Variants in MAD1L1 observed in about 807,000 individuals in gnomAD.
MAD1L1 encodes the protein mitotic spindle assembly checkpoint protein MAD1.
In MAD1L1, 95 loss-of-function variants were observed where a neutral mutation model predicts 96.9. That is an observed-to-expected ratio of 0.98 (90% confidence interval 0.83 to 1.16). MAD1L1 has a LOEUF of 1.16. MAD1L1 is among the 50% of genes most tolerant of loss of function. MAD1L1 has a pLI of 0.00. For missense variants in MAD1L1, 1,007 were observed against 954.4 expected (o/e 1.06, Z -0.73); for synonymous variants, 473 against 396.6 (o/e 1.19, Z -2.29).
chr7:2,194,721 A>C (rs1791898375), intron 10 of MAD1L1, among the ~76,000 whole-genome samples: 1 of 152,178 alleles, frequency 6.6e-6, no homozygotes, highest in Non-Finnish European at 1.5e-5. Flanking sequence ...AGTTACAGAA[A>C]CTCAAAGAAA....
chr7:2,005,249 C>T lies in MAD1L1; in HGVS notation c.1360-3128G>A, dbSNP rs375544115. On this transcript the variant is annotated intron_variant, in intron 13 of 18. Transcript: ENST00000265854. ...GACGGCTTACAGACAGTGAGAGCCA[C>T]CTTTCACTGAAGACTGAACACACAG... Among the ~76,000 whole-genome samples the T allele has an allele frequency of 1.7e-3, 266 of 152,282 alleles. 8 individuals carry two copies. In the South Asian group the frequency reaches 0.053, roughly 30 times the overall value.
chr7:1,939,268 G>A (rs951104223), intron 16 of MAD1L1, among the ~76,000 whole-genome samples: 14 of 142,820 alleles, frequency 9.8e-5, no homozygotes, highest in South Asian at 2.3e-4. Context: ...CCAGAGGCGC[G>A]CGCACACATG....
rs570697675 is a variant in MAD1L1 at position 2,069,451 on chromosome 7, G to A, written c.1074-113C>T. 2,557 of 1,034,996 alleles carry A rather than the reference G, an allele frequency of 2.5e-3. 15 individuals carry two copies. Among genetic ancestry groups the A allele is most frequent in the South Asian group, 5.8e-3 (315 of 54,082 alleles). 64.1% of individuals were successfully genotyped at this position (1,034,996 alleles called of 1,614,324 possible). A position where few individuals can be genotyped will look rare whatever the true frequency, so the allele number is the denominator to read the frequency against. The stretch of plus-strand genomic sequence containing the variant: ...AGGACATCCTAAAATAGAGCTGCAC[G>A]TGCAACCCCCTCACTGCCATTTCCG... On this transcript the variant is annotated intron_variant, in intron 11 of 18. Coordinates refer to ENST00000265854, the MANE Select transcript of MAD1L1 (RefSeq NM_001013836.2).
intron 10 of MAD1L1, among the ~76,000 whole-genome samples, chr7:2,198,016 G>A (rs1420119422): frequency 2.6e-5 from 4 of 150,984 alleles, no homozygotes; most frequent in South Asian, 2.1e-4. Flanking sequence ...GGCCCAGGAC[G>A]GGGCAACCAC....
chr7:1,873,108 GC>G (rs918432028), intron 18 of MAD1L1, among the ~76,000 whole-genome samples: 1 of 152,346 alleles, frequency 6.6e-6, no homozygotes, highest in African/African-American at 2.4e-5. Context: ...GCGGGGAGGA[GC>G]CCCCCGTGGG....
chr7:2,017,459 G>A (rs907316260), intron 12 of MAD1L1, among the ~76,000 whole-genome samples: 1 of 152,226 alleles, frequency 6.6e-6, no homozygotes, highest in Non-Finnish European at 1.5e-5. Context: ...AGTCAGCTGA[G>A]GACAGGGCCT....
intron 13 of MAD1L1, 21 bp from the exon 14 acceptor site, chr7:2,002,142 C>G (rs202116184): frequency 3.1e-6 from 5 of 1,611,608 alleles, no homozygotes; most frequent in Non-Finnish European, 1.7e-6. Flanking sequence ...AGACAGGATT[C>G]GGCCTGAGAC....
chr7:2,119,560 C>T lies in MAD1L1; in HGVS notation c.1073+29592G>A, dbSNP rs1420115786. 6.6e-6 allele frequency among the ~76,000 whole-genome samples: 1 copy of T among 152,200 alleles called. No homozygotes were observed. The highest frequency in any genetic ancestry group is 1.5e-5 in the Non-Finnish European group (1 of 68,044). ...GTCCCGACTGTGGGGACAGCACGTG[C>T]CCGAGCTCTGACCCACATGCAGACA... On this transcript the variant is annotated intron_variant, in intron 11 of 18. Coordinates refer to ENST00000265854, the MANE Select transcript of MAD1L1 (RefSeq NM_001013836.2). The surrounding 1 kb of genome is among the most constrained non-coding windows in gnomAD (Gnocchi z 4.6).
chr7:2,040,355 G>T (rs1049514697), intron 12 of MAD1L1, among the ~76,000 whole-genome samples: 1 of 152,222 alleles, frequency 6.6e-6, no homozygotes, highest in East Asian at 1.9e-4. Flanking sequence ...ATCTTGTGTT[G>T]TGGCCCCACC....
chr7:1,886,420 T>C (rs1786032470), intron 18 of MAD1L1, among the ~76,000 whole-genome samples: 1 of 152,188 alleles, frequency 6.6e-6, no homozygotes, highest in Non-Finnish European at 1.5e-5. Context: ...ATAAATCCTG[T>C]GCAAATCTCA....
intron 15 of MAD1L1, among the ~76,000 whole-genome samples, chr7:1,958,500 G>A (rs142455052): frequency 2.8e-4 from 42 of 152,346 alleles, no homozygotes; most frequent in African/African-American, 1.0e-3. Flanking sequence ...CCTGAGAACT[G>A]CTCCAGGGCG....
At chr7:1,873,552 C>T (rs369715992) in intron 18 of MAD1L1, among the ~76,000 whole-genome samples, 65 of 143,622 alleles carry the variant, frequency 4.5e-4, no homozygotes, top group African/African-American at 1.6e-3. Context: ...GGGCTCTCTA[C>T]GGATGGGGGC....
chr7:2,179,076 T>TAAAA (rs1791070896), intron 10 of MAD1L1, among the ~76,000 whole-genome samples: 1 of 151,978 alleles, frequency 6.6e-6, no homozygotes, highest in Admixed American at 6.6e-5. Context: ...ACTAAAACGG[T>TAAAA]CAGAATCAGA....
chr7:1,983,954 C>T (rs1181534896), intron 14 of MAD1L1, among the ~76,000 whole-genome samples: 1 of 152,156 alleles, frequency 6.6e-6, no homozygotes, highest in Non-Finnish European at 1.5e-5. Context: ...TTACAAATTC[C>T]TACCTTTTTG....
chr7:2,174,707 A>C (rs375420625), intron 10 of MAD1L1, among the ~76,000 whole-genome samples: 1 of 152,106 alleles, frequency 6.6e-6, no homozygotes. Flanking sequence ...TGTTCACTGA[A>C]TGTGCTTCTT....
chr7:2,085,976 G>A (rs1785898534), intron 11 of MAD1L1, among the ~76,000 whole-genome samples: 1 of 152,184 alleles, frequency 6.6e-6, no homozygotes. Context: ...GGCCCATCAG[G>A]CATGTATGAA....
intron 12 of MAD1L1, among the ~76,000 whole-genome samples, chr7:2,059,830 G>C (rs943057522): frequency 6.6e-6 from 1 of 152,098 alleles, no homozygotes; most frequent in Non-Finnish European, 1.5e-5. Context: ...GGACCCAATG[G>C]TACATCCACA....
chr7:2,006,540 C>T (rs939621075), intron 13 of MAD1L1, among the ~76,000 whole-genome samples: 7 of 151,984 alleles, frequency 4.6e-5, no homozygotes, highest in African/African-American at 1.7e-4. Context: ...GAAACCCGCA[C>T]GGCCCAGCAC....
At chr7:1,838,299 C>A (rs1451320332) in intron 18 of MAD1L1, among the ~76,000 whole-genome samples, 2 of 152,222 alleles carry the variant, frequency 1.3e-5, no homozygotes, top group East Asian at 3.8e-4. Flanking sequence ...AGTTAAATTA[C>A]CATGTGACCC....
Sources: allele counts gnomAD v4.1 joint callset (sites outside exome capture counted in the v4.1 genomes callset), GRCh38; gene constraint gnomAD v4.1.1; non-coding constraint Gnocchi (gnomAD v3.1); transcripts MANE v1.5; gene names NCBI Gene and HGNC (gene_info 2026-07-23, HGNC 2026-07-21).